The following PCDH7 variants were observed in gnomAD, a reference collection of about 807,000 sequenced individuals.
The protein encoded by PCDH7 is protocadherin-7.
A neutral mutation model predicts 58.9 loss-of-function variants in PCDH7; 17 were observed. That is an observed-to-expected ratio of 0.29 (90% CI 0.20 to 0.43). PCDH7 has a LOEUF of 0.43. Ranked by LOEUF, PCDH7 falls within the 20% of genes least tolerant of loss-of-function variation. PCDH7 has a pLI of 1.00. For synonymous variants in PCDH7, 664 were observed against 616.4 expected, an observed-to-expected ratio of 1.08 and a Z score of -1.14; for missense variants, 1,274 against 1,441.0, an observed-to-expected ratio of 0.88 and a Z score of 1.88.
At chr4:30,919,697 C>A (rs1367807639) in intron 1 of PCDH7, among the ~76,000 whole-genome samples, 2 of 152,058 alleles carry the variant, frequency 1.3e-5, no homozygotes, top group Non-Finnish European at 2.9e-5. Flanking sequence ...AACTGCCAAC[C>A]CATTTGATTT....
At chr4:31,125,085 C>T (rs546745242) in intron 3 of PCDH7, among the ~76,000 whole-genome samples, 1 of 152,042 alleles carries the variant, frequency 6.6e-6, no homozygotes, top group Non-Finnish European at 1.5e-5. Context: ...TTTTTTTTAG[C>T]TGAATATGGC....
chr4:31,090,448 A>G (rs928801626), intron 3 of PCDH7, among the ~76,000 whole-genome samples: 7 of 151,860 alleles, frequency 4.6e-5, no homozygotes, highest in Admixed American at 3.9e-4. Context: ...TTATTTTAAA[A>G]TGTTCAAATA....
chr4:30,869,825 T>C (rs1328549429), intron 1 of PCDH7, among the ~76,000 whole-genome samples: 1 of 152,160 alleles, frequency 6.6e-6, no homozygotes, highest in African/African-American at 2.4e-5. Context: ...GGTCAAACAG[T>C]AGTTCTGGTT....
At chr4:31,021,584 G>A (rs1011916660) in intron 3 of PCDH7, among the ~76,000 whole-genome samples, 4 of 152,062 alleles carry the variant, frequency 2.6e-5, no homozygotes, top group Admixed American at 1.3e-4. Context: ...CTTTCTGCGG[G>A]ACTCAAAGAC....
At chr4:30,942,298 TAG>T (rs1172068266) in intron 2 of PCDH7, among the ~76,000 whole-genome samples, 1 of 151,990 alleles carries the variant, frequency 6.6e-6, no homozygotes, top group Non-Finnish European at 1.5e-5. Flanking sequence ...GTAAAGAAAT[TAG>T]TCAAAATTAT....
At chr4:30,894,390 C>T (rs1171466213) in intron 1 of PCDH7, among the ~76,000 whole-genome samples, 1 of 141,846 alleles carries the variant, frequency 7.0e-6, no homozygotes, top group Admixed American at 7.4e-5. Context: ...TGTAGCTTTC[C>T]AGATAAGCTC....
chr4:30,944,479 A>C (rs975002108), intron 2 of PCDH7, among the ~76,000 whole-genome samples: 12 of 152,126 alleles, frequency 7.9e-5, no homozygotes, highest in Non-Finnish European at 1.5e-4. Context: ...GGTCCTCTAT[A>C]ATTTTTAAAG....
rs189840495 is a variant in PCDH7, at chr4:30,878,135, C to G, written c.71-42018C>G. On this transcript the variant is annotated intron_variant, in intron 1 of 3. Coordinates refer to the PCDH7 transcript ENST00000509759. Reference sequence around the variant, plus strand: ...TATACAAAGGAGGAATGTTATTTCTCTCACACATTAATAGGGCACCATGCT... The same window carrying G: ...TATACAAAGGAGGAATGTTATTTCTGTCACACATTAATAGGGCACCATGCT... Among the ~76,000 whole-genome samples, 939 of 152,246 alleles carry G rather than the reference C, an allele frequency of 6.2e-3. 11 individuals carry two copies. The highest frequency in any genetic ancestry group is 0.01 in the Non-Finnish European group (702 of 68,008).
At chr4:31,122,200 ATATATT>A (rs1163923424) in intron 3 of PCDH7, among the ~76,000 whole-genome samples, 1 of 152,146 alleles carries the variant, frequency 6.6e-6, no homozygotes, top group Non-Finnish European at 1.5e-5. Context: ...GCAATTCTAA[ATATATT>A]TAATCACACC....
intron 1 of PCDH7, among the ~76,000 whole-genome samples, chr4:30,842,815 G>C (rs1013162813): frequency 1.3e-5 from 2 of 152,158 alleles, no homozygotes; most frequent in African/African-American, 4.8e-5. Flanking sequence ...GAGGAACCAC[G>C]AGAGGGACAG....
chr4:30,999,078 T>C (rs761265145), intron 3 of PCDH7, among the ~76,000 whole-genome samples: 9 of 152,116 alleles, frequency 5.9e-5, no homozygotes, highest in Non-Finnish European at 1.0e-4. Flanking sequence ...AGAAAGAGCC[T>C]TGGACTTAGG....
intron 3 of PCDH7, among the ~76,000 whole-genome samples, chr4:31,106,979 C>T (rs959887803): frequency 3.3e-5 from 5 of 152,156 alleles, no homozygotes; most frequent in African/African-American, 9.7e-5. Context: ...CCTACTCATA[C>T]TAATAACTTT....
chr4:30,746,454 A>G (rs1436339166), intron 1 of PCDH7, among the ~76,000 whole-genome samples: 1 of 152,192 alleles, frequency 6.6e-6, no homozygotes, highest in Non-Finnish European at 1.5e-5. Context: ...CCACAGTGCA[A>G]TTCGCCTTAG....
In PCDH7 at chr4:30,723,233, G is replaced by C. The variant is rs757918914; in HGVS notation, c.1811G>C (p.Arg604Thr). 1 of 1,614,098 alleles carries C rather than the reference G, an allele frequency of 6.2e-7. No individual in the cohort carries two copies. The highest frequency in any genetic ancestry group is 1.3e-5 in the African/African-American group (1 of 74,950). ...GTGCTGGACCGCGAGCAGACTGACA[G>C]GTATGAGTTTAAAGTTAACGCCAAA... Residue 604 changes from arginine (R) to threonine (T), a missense_variant, in exon 1 of 2, where the codon AGG becomes ACG. Arg to Thr is a moderately conservative substitution (Grantham distance 71, BLOSUM62 -1). Coordinates refer to ENST00000361762, the Ensembl canonical transcript of PCDH7. The surrounding 1 kb of genome is among the most constrained non-coding windows in gnomAD (Gnocchi z 4.6).
At chr4:30,798,267 T>A (rs1725053263) in intron 1 of PCDH7, among the ~76,000 whole-genome samples, 1 of 152,162 alleles carries the variant, frequency 6.6e-6, no homozygotes, top group Non-Finnish European at 1.5e-5. Flanking sequence ...CTTGATTTGT[T>A]AGAACAATAA....
intron 3 of PCDH7, among the ~76,000 whole-genome samples, chr4:30,973,097 T>A (rs185252957): frequency 1.3e-5 from 2 of 152,326 alleles, no homozygotes; most frequent in East Asian, 3.9e-4. Context: ...GGAAATAGGA[T>A]TAAATTCTTA....
chr4:30,913,572 T>C (rs1347222552), intron 1 of PCDH7, among the ~76,000 whole-genome samples: 1 of 152,184 alleles, frequency 6.6e-6, no homozygotes, highest in Non-Finnish European at 1.5e-5. Context: ...ATCTGTCAAC[T>C]GCCTACATTT....
chr4:30,869,458 A>C (rs1735271334), intron 1 of PCDH7, among the ~76,000 whole-genome samples: 1 of 151,936 alleles, frequency 6.6e-6, no homozygotes, highest in African/African-American at 2.4e-5. Flanking sequence ...GAAAGGCCCC[A>C]GTGTGTGATG....
intron 3 of PCDH7, among the ~76,000 whole-genome samples, chr4:31,118,396 A>AT (rs1411936048): frequency 2.0e-5 from 3 of 151,952 alleles, no homozygotes; most frequent in African/African-American, 4.8e-5. Flanking sequence ...CCCAACTAAC[A>AT]TTTTTTTTAA....
Sources: gnomAD v4.1 joint callset for allele counts (sites outside exome capture counted in the v4.1 genomes callset) on GRCh38, gnomAD v4.1.1 for gene constraint, Gnocchi (gnomAD v3.1) non-coding constraint, MANE v1.5 for transcripts, NCBI Gene and HGNC (gene_info 2026-07-23, HGNC 2026-07-21) for gene names.